The following MACROD2 variants were observed in gnomAD, a reference collection of about 807,000 sequenced individuals.
The protein encoded by MACROD2 is ADP-ribose glycohydrolase MACROD2.
In MACROD2, 36 loss-of-function variants were observed where a neutral mutation model predicts 70.4. The ratio of observed to expected loss-of-function variants is 0.51; its 90% CI spans 0.39 to 0.68. MACROD2 has a LOEUF of 0.68. MACROD2 is among the 30% of genes least tolerant of loss of function. The probability of loss-of-function intolerance (pLI) is 0.00; values close to 1 mark genes in which losing one functional copy is unlikely to be tolerated. For missense variants in MACROD2, 496 were observed against 538.4 expected (o/e 0.92, Z 0.78); for synonymous variants, 172 against 178.8 (o/e 0.96, Z 0.30).
intron 5 of MACROD2, chr20:14,850,403 G>A (rs975554029): frequency 1.3e-5 from 2 of 153,630 alleles, no homozygotes; most frequent in African/African-American, 4.8e-5. Flanking sequence ...GAATATCAGA[G>A]CTTCACACAT....
intron 8 of MACROD2, among the ~76,000 whole-genome samples, chr20:15,674,635 A>C (rs2050029857): frequency 1.3e-5 from 2 of 151,848 alleles, no homozygotes; most frequent in African/African-American, 4.8e-5. Flanking sequence ...TGCCCACTGA[A>C]CTGTGAACCC....
intron 5 of MACROD2, among the ~76,000 whole-genome samples, chr20:15,020,575 T>C (rs1165629575): frequency 2.0e-5 from 3 of 152,098 alleles, no homozygotes; most frequent in African/African-American, 7.2e-5. Flanking sequence ...TCCTGAGAAA[T>C]GCATTGTTAG....
intron 5 of MACROD2, among the ~76,000 whole-genome samples, chr20:15,122,160 C>T (rs2076035583): frequency 6.6e-6 from 1 of 152,158 alleles, no homozygotes; most frequent in Non-Finnish European, 1.5e-5. Flanking sequence ...TAGTTCTCCT[C>T]TTTTCTTTCA....
chr20:15,539,020 T>C (rs2047917670), intron 8 of MACROD2, among the ~76,000 whole-genome samples: 1 of 152,174 alleles, frequency 6.6e-6, no homozygotes, highest in South Asian at 2.1e-4. Flanking sequence ...ATATGAACTA[T>C]ATAAAAATAT....
intron 10 of MACROD2, among the ~76,000 whole-genome samples, chr20:15,895,141 A>G (rs2064951321): frequency 6.6e-6 from 1 of 152,224 alleles, no homozygotes; most frequent in South Asian, 2.1e-4. Flanking sequence ...GCCTTTAATT[A>G]AAGAAGGGAA....
Position 15,187,946 on chromosome 20 carries a change from C to T in MACROD2, c.419-41994C>T, listed in dbSNP as rs111953182. Among the ~76,000 whole-genome samples the T allele has an allele frequency of 3.9e-3, 597 of 152,214 alleles. 3 individuals carry two copies. The highest frequency in any genetic ancestry group is 0.027 in the Middle Eastern group (8 of 294). The stretch of plus-strand genomic sequence containing the variant: ...CCTTTTTCTTCTGGTATTAAGGATA[C>T]TTCTGATGTCCTTAATTATCCTGGA... On this transcript the variant is annotated intron_variant, in intron 5 of 17. Coordinates refer to ENST00000684519, the MANE Select transcript of MACROD2 (RefSeq NM_001351661.2).
chr20:15,939,456 G>A (rs1222978205), intron 12 of MACROD2, among the ~76,000 whole-genome samples: 1 of 152,074 alleles, frequency 6.6e-6, no homozygotes, highest in Non-Finnish European at 1.5e-5. Context: ...CTGTATTATA[G>A]CATGTCTCTT....
At chr20:15,513,966 T>C (rs541469620) in intron 8 of MACROD2, among the ~76,000 whole-genome samples, 33 of 152,294 alleles carry the variant, frequency 2.2e-4, no homozygotes, top group African/African-American at 7.2e-4. Context: ...TAATGAGTGT[T>C]TTTGTCTTCA....
At chr20:14,281,167 C>G (rs981071825) in intron 3 of MACROD2, among the ~76,000 whole-genome samples, 5 of 152,044 alleles carry the variant, frequency 3.3e-5, no homozygotes, top group African/African-American at 1.2e-4. Flanking sequence ...AAAATGGAAA[C>G]AAACCAAAGG....
chr20:15,427,461 A>G (rs890922222), intron 6 of MACROD2, among the ~76,000 whole-genome samples: 1 of 152,352 alleles, frequency 6.6e-6, no homozygotes, highest in Non-Finnish European at 1.5e-5. Context: ...GAGTTAGCCC[A>G]GATCAGTTCC....
chr20:14,654,006 T>G (rs1447963549), intron 4 of MACROD2, among the ~76,000 whole-genome samples: 1 of 152,140 alleles, frequency 6.6e-6, no homozygotes, highest in East Asian at 1.9e-4. Context: ...CTGGGATCTC[T>G]TTTCAAATAA....
chr20:16,002,808 C>T (rs573137167), intron 15 of MACROD2, among the ~76,000 whole-genome samples: 1 of 152,138 alleles, frequency 6.6e-6, no homozygotes, highest in South Asian at 2.1e-4. Context: ...GAAACTAGTA[C>T]ATTACCTCTA....
intron 2 of MACROD2, among the ~76,000 whole-genome samples, chr20:14,069,805 C>T (rs1253717328): frequency 6.6e-6 from 1 of 151,170 alleles, no homozygotes; most frequent in East Asian, 1.9e-4. Flanking sequence ...TTGGGCTTTT[C>T]CATGTGATTT....
intron 3 of MACROD2, among the ~76,000 whole-genome samples, chr20:14,194,348 T>G (rs1055135296): frequency 2.6e-5 from 4 of 152,208 alleles, no homozygotes; most frequent in African/African-American, 4.8e-5. Context: ...GATCACTTCC[T>G]GCTGAGACCT....
intron 4 of MACROD2, among the ~76,000 whole-genome samples, chr20:14,534,293 CT>C (rs992506757): frequency 1.6e-4 from 25 of 152,208 alleles, no homozygotes; most frequent in Admixed American, 8.5e-4. Context: ...AACTGGGTCA[CT>C]TTTCTGGGTC....
chr20:14,977,493 ACACACAC>A (rs1396822557), intron 5 of MACROD2, among the ~76,000 whole-genome samples: 10 of 151,772 alleles, frequency 6.6e-5, no homozygotes, highest in African/African-American at 2.2e-4. Context: ...ACACACACAC[ACACACAC>A]AATTAGGGTT....
At chr20:15,820,200 A>AG (rs1188251321) in intron 8 of MACROD2, among the ~76,000 whole-genome samples, 2 of 151,936 alleles carry the variant, frequency 1.3e-5, no homozygotes, top group South Asian at 4.2e-4. Context: ...TGGCAGGAGT[A>AG]GGGGGTGGGG....
intron 8 of MACROD2, among the ~76,000 whole-genome samples, chr20:15,633,762 A>G (rs573459063): frequency 6.6e-6 from 1 of 152,316 alleles, no homozygotes; most frequent in East Asian, 1.9e-4. Flanking sequence ...TTTTAAATGA[A>G]TGTTTATTTT....
At chr20:14,406,234 G>C (rs547516696) in intron 3 of MACROD2, among the ~76,000 whole-genome samples, 10 of 152,226 alleles carry the variant, frequency 6.6e-5, no homozygotes, top group African/African-American at 2.4e-4. Context: ...TAAAATAGCA[G>C]TAAATAGGAT....
Sources: gnomAD v4.1 joint callset for allele counts (sites outside exome capture counted in the v4.1 genomes callset) on GRCh38, gnomAD v4.1.1 for gene constraint, MANE v1.5 for transcripts, NCBI Gene and HGNC (gene_info 2026-07-23, HGNC 2026-07-21) for gene names.